UACA: variants seen among roughly 807,000 people sequenced by gnomAD.
The protein encoded by UACA is nuclear membrane binding protein.
A neutral mutation model predicts 160.5 loss-of-function variants in UACA; 112 were observed. That is an observed-to-expected ratio of 0.70 (90% CI 0.60 to 0.82). The LOEUF (loss-of-function observed/expected upper bound fraction) is 0.82. Among genes scored for constraint, UACA ranks in the 40% least tolerant of loss-of-function variants. The pLI is 0.00. For missense variants in UACA, 1,574 were observed against 1,614.6 expected, an observed-to-expected ratio of 0.97 and a Z score of 0.43; for synonymous variants, 557 against 568.4, an observed-to-expected ratio of 0.98 and a Z score of 0.29.
intron 1 of UACA, among the ~76,000 whole-genome samples, chr15:70,714,361 A>G (rs994728553): frequency 6.6e-6 from 1 of 152,224 alleles, no homozygotes; most frequent in African/African-American, 2.4e-5. Flanking sequence ...CTGTACAGCC[A>G]GCTTCTTTCT....
chr15:70,773,619 A>G, the UACA span, among the ~76,000 whole-genome samples: 1 of 152,334 alleles, frequency 6.6e-6, no homozygotes, highest in African/African-American at 2.4e-5. Context: ...AAAAAGATGC[A>G]GGTACAGATA....
intron 1 of UACA, chr15:70,703,013 A>G: frequency 1.0e-6 from 1 of 983,566 alleles, no homozygotes; most frequent in Non-Finnish European, 1.3e-6. Flanking sequence ...CTGGTTAAAC[A>G]CTAAAGGAGG....
rs538327129 is a variant in UACA, at chr15:70,669,205, C to T, written c.1479G>A (p.Lys493=). The T allele has an allele frequency of 1.2e-6, 2 of 1,614,032 alleles. No homozygotes were observed. Among genetic ancestry groups the T allele is most frequent in the Admixed American group, 1.7e-5 (1 of 60,014 alleles). Residue 493 remains lysine (K), a synonymous_variant, in exon 16 of 19, where the codon AAG becomes AAA. Coordinates refer to ENST00000322954, the MANE Select transcript of UACA (RefSeq NM_018003.4). The part of the protein sequence containing the change: ...RVKEDSDEQI[K]QLEDALKDVQ... Reference sequence around the variant, plus strand: ...CATCTTTTAATGCATCTTCTAATTGCTTTATCTGTTCATCTGAATCCTCCT... The same window carrying T: ...CATCTTTTAATGCATCTTCTAATTGTTTTATCTGTTCATCTGAATCCTCCT...
chr15:70,735,822 T>TAAGAC (rs1566994439), intron 1 of UACA, among the ~76,000 whole-genome samples: 1 of 151,846 alleles, frequency 6.6e-6, no homozygotes, highest in Non-Finnish European at 1.5e-5. Context: ...ACTACAGGTG[T>TAAGAC]AAGACACCAA....
chr15:70,667,401 T>G lies in UACA; in HGVS notation c.3283A>C (p.Lys1095Gln). 1 of 1,611,982 alleles carries G rather than the reference T, an allele frequency of 6.2e-7. No homozygotes were observed. The highest frequency in any genetic ancestry group is 1.1e-5 in the South Asian group (1 of 90,936). The change falls in exon 16 of 19, where the codon AAA (lysine) becomes CAA (glutamine). Residue 1095 changes from lysine to glutamine, a missense_variant. Lys to Gln is a moderately conservative substitution (Grantham distance 53). Transcript: ENST00000322954. Reference protein sequence around the residue: ...VKEKLVEENAKQTSEILAVQN... With the variant: ...VKEKLVEENAQQTSEILAVQN... ...ACTGCAAGTATCTCAGAAGTCTGTT[T>G]GGCATTTTCTTCTACTAGCTTCTCT...
chr15:70,659,619 T>G (rs1189109432), intron 18 of UACA, among the ~76,000 whole-genome samples: 1 of 151,938 alleles, frequency 6.6e-6, no homozygotes, highest in Admixed American at 6.6e-5. Context: ...TTTCTTAGTA[T>G]GATTTTAACA....
intron 1 of UACA, among the ~76,000 whole-genome samples, chr15:70,702,463 A>G (rs181052883): frequency 1.3e-5 from 2 of 152,214 alleles, no homozygotes; most frequent in Non-Finnish European, 2.9e-5. Context: ...CTGAGTAATA[A>G]ATTTCAGGTC....
intron 8 of UACA, among the ~76,000 whole-genome samples, chr15:70,683,987 C>G (rs918820): frequency 0.73 from 109,986 of 150,860 alleles, 40,603 homozygotes; most frequent in Admixed American, 0.82. Flanking sequence ...AAAAAAAAAA[C>G]TTAGTAAAAC....
rs149154885 is a variant in UACA at position 70,667,762 on chromosome 15, G to A, written c.2922C>T (p.Leu974=). 46 of 1,613,800 alleles carry A rather than the reference G, an allele frequency of 2.9e-5. No homozygotes were observed. The African/African-American group carries it at 3.5e-4, about 12-fold the overall frequency. Residue 974 remains leucine (L), a synonymous_variant, in exon 16 of 19, where the codon CTC becomes CTT. Coordinates refer to ENST00000322954, the MANE Select transcript of UACA (RefSeq NM_018003.4). ...CCTTAATGCATTCTTGTATTGTGTCGAGCTCCTTCTTCTGGGCTTTAATTT... is the reference window on the plus strand; with the variant it reads ...CCTTAATGCATTCTTGTATTGTGTCAAGCTCCTTCTTCTGGGCTTTAATTT... ...HAEIKAQKKE[L]DTIQECIKVK...
chr15:70,679,230 C>A (rs894891040), intron 10 of UACA, among the ~76,000 whole-genome samples: 1 of 151,746 alleles, frequency 6.6e-6, no homozygotes, highest in Non-Finnish European at 1.5e-5. Flanking sequence ...TGGTGAAACC[C>A]CGTCTCAACT....
At position 70,667,006 on chromosome 15, in the gene UACA, C is replaced by T. The variant is rs1314585451; in HGVS notation, c.3678G>A (p.Leu1226=). ...CACTTTTTGTTGCTTTATATTTAGA[C>T]AAGTCAACTACCTCTCTAGTCTCTA... The part of the protein sequence containing the change: ...KKLETREVVD[L]SKYKATKSDL... The change falls in exon 16 of 19, where the codon TTG becomes TTA. Residue 1226 remains leucine, a synonymous_variant. Coordinates refer to ENST00000322954, the MANE Select transcript of UACA (RefSeq NM_018003.4). The T allele has an allele frequency of 6.2e-7, 1 of 1,613,212 alleles. No individual in the cohort carries two copies. Among genetic ancestry groups the T allele is most frequent in the South Asian group, 1.1e-5 (1 of 90,916 alleles).
intron 13 of UACA, among the ~76,000 whole-genome samples, chr15:70,675,623 T>C (rs897305810): frequency 9.2e-5 from 14 of 152,226 alleles, no homozygotes; most frequent in African/African-American, 3.4e-4. Context: ...TCGTGCAGTA[T>C]GTACTCTTTG....
At position 70,656,046 on chromosome 15, in the gene UACA, A is replaced by G. The variant is rs1321787319; in HGVS notation, c.*1010T>C. The stretch of plus-strand genomic sequence containing the variant: ...CACTTATGTTATTTTATTGCTATCT[A>G]TATACTCTTTCAGTTTACTGTATTA... On this transcript the variant is annotated 3_prime_UTR_variant, in exon 19 of 19. Coordinates refer to ENST00000322954, the MANE Select transcript of UACA (RefSeq NM_018003.4). 1 of 152,166 alleles carries G rather than the reference A, an allele frequency of 6.6e-6. No individual in the cohort carries two copies. The highest frequency in any genetic ancestry group is 1.5e-5 in the Non-Finnish European group (1 of 68,012). 9.4% of individuals were successfully genotyped at this position (152,166 alleles called of 1,614,324 possible).
rs140770479 is a variant in UACA, at chr15:70,708,196, T to C, written c.79-8536A>G. Among the ~76,000 whole-genome samples, 346 of 152,302 alleles carry C rather than the reference T, an allele frequency of 2.3e-3. 1 individual carries two copies. The highest frequency in any genetic ancestry group is 4.2e-3 in the Non-Finnish European group (283 of 68,026). On this transcript the variant is annotated intron_variant, in intron 1 of 18. Coordinates refer to ENST00000322954, the MANE Select transcript of UACA (RefSeq NM_018003.4). The stretch of plus-strand genomic sequence containing the variant: ...CAAAAAAAGACAAATACTGTATGAT[T>C]TACTTACATGAGGTACCTAAAGTAG...
intron 1 of UACA, among the ~76,000 whole-genome samples, chr15:70,719,276 AC>A (rs942227428): frequency 8.5e-5 from 13 of 152,222 alleles, no homozygotes; most frequent in African/African-American, 3.1e-4. Context: ...AAAAGGGTTT[AC>A]AAAGGCCAAT....
intron 1 of UACA, among the ~76,000 whole-genome samples, chr15:70,754,349 A>C (rs1281053582): frequency 6.6e-6 from 1 of 152,000 alleles, no homozygotes; most frequent in Non-Finnish European, 1.5e-5. Flanking sequence ...CTGTTTTTTC[A>C]CTTTCAATAG....
At chr15:70,710,683 T>C (rs1898658227) in intron 1 of UACA, among the ~76,000 whole-genome samples, 1 of 152,222 alleles carries the variant, frequency 6.6e-6, no homozygotes, top group Non-Finnish European at 1.5e-5. Context: ...GGAAACACTT[T>C]ACCTATGCTT....
At position 70,722,642 on chromosome 15, in the gene UACA, C is replaced by G. The variant is rs8037709; in HGVS notation, c.79-22982G>C. On this transcript the variant is annotated intron_variant, in intron 1 of 18. Coordinates refer to ENST00000322954, the MANE Select transcript of UACA (RefSeq NM_018003.4). The stretch of plus-strand genomic sequence containing the variant: ...CTTTATTTTTTGTTATACGTCTTTT[C>G]AAACTTCTTTTCAATATCTAGACAT... Among the ~76,000 whole-genome samples the G allele has an allele frequency of 9.5e-3, 1,446 of 152,214 alleles. 21 individuals carry two copies. The highest frequency in any genetic ancestry group is 0.033 in the African/African-American group (1,375 of 41,532).
intron 1 of UACA, among the ~76,000 whole-genome samples, chr15:70,712,051 CAT>C (rs57543862): frequency 0.011 from 1,445 of 131,688 alleles, 118 homozygotes; most frequent in African/African-American, 0.042. Flanking sequence ...AAGCTCCAGG[CAT>C]ATATATATAT....
Sources: allele counts gnomAD v4.1 joint callset (sites outside exome capture counted in the v4.1 genomes callset), GRCh38; gene constraint gnomAD v4.1.1; transcripts MANE v1.5; gene names NCBI Gene and HGNC (gene_info 2026-07-23, HGNC 2026-07-21).